The following MON2 variants were observed in gnomAD, a reference collection of about 807,000 sequenced individuals.
MON2 encodes protein MON2 homolog.
MON2 carries 84 observed loss-of-function variants against 208.6 expected under a neutral mutation model. The ratio of observed to expected loss-of-function variants is 0.40; its 90% CI spans 0.34 to 0.48. The LOEUF is 0.48. MON2 is among the 20% of genes least tolerant of loss of function. The pLI, the probability that MON2 is intolerant of heterozygous loss-of-function variation, is 0.59. For missense variants in MON2, 1,611 were observed against 2,015.4 expected (o/e 0.80, Z 3.84); for synonymous variants, 660 against 694.0 (o/e 0.95, Z 0.77).
chr12:62,544,868 C>T (rs755833005), intron 20 of MON2, 30 bp from the exon 21 acceptor site: 1 of 1,583,026 alleles, frequency 6.3e-7, no homozygotes, highest in Non-Finnish European at 8.6e-7. Flanking sequence ...CTTAAGTATA[C>T]AAATTAAACT....
Position 62,533,357 on chromosome 12 carries a change from T to C in MON2, c.1633+687T>C, listed in dbSNP as rs138615954. Among the ~76,000 whole-genome samples, 191 of 152,348 alleles carry C rather than the reference T, an allele frequency of 1.3e-3. 1 individual carries two copies. Among genetic ancestry groups the C allele is most frequent in the African/African-American group, 4.4e-3 (184 of 41,586 alleles). On this transcript the variant is annotated intron_variant, in intron 12 of 34. Coordinates refer to ENST00000393630, the MANE Select transcript of MON2 (RefSeq NM_015026.3). ...TAATTATTAACTTTTTGTGGAAAAA[T>C]ACTTTCAGATTGCTACTACAAAAGA...
intron 2 of MON2, among the ~76,000 whole-genome samples, chr12:62,486,602 A>G (rs2069811916): frequency 6.6e-6 from 1 of 152,194 alleles, no homozygotes; most frequent in African/African-American, 2.4e-5. Flanking sequence ...GACCACTATC[A>G]TCTTGAAAAT....
rs2073310251 is a variant in MON2, at chr12:62,543,037, A to G, written c.2365-60A>G. The G allele has an allele frequency of 1.0e-5, 9 of 879,148 alleles. No homozygotes were observed. In the South Asian group the frequency reaches 1.2e-4, roughly 12 times the overall value. The allele number at this position is 879,148 out of a possible 1,614,324, so 54.5% of individuals were successfully genotyped here. A position where few individuals can be genotyped will look rare whatever the true frequency, so the allele number is the denominator to read the frequency against. Reference sequence around the variant, plus strand: ...CTTCAGAGTATTCTCAGTTTTATTCATAGTCTAATTACTCAGAATTCTCCT... The same window carrying G: ...CTTCAGAGTATTCTCAGTTTTATTCGTAGTCTAATTACTCAGAATTCTCCT... On this transcript the variant is annotated intron_variant, in intron 19 of 34. Transcript: ENST00000393630.
rs769248535 is a variant in MON2, at chr12:62,500,738, A to T, written c.566-45A>T. On this transcript the variant is annotated intron_variant, in intron 5 of 34. Transcript: ENST00000393630. ...TTTTAAACAGAATATATAATTTATT[A>T]AAGGCTATTATGAACTCCTAAAACC... 1.3e-5 allele frequency: 11 copies of T among 830,902 alleles called. No homozygotes were observed. The East Asian group carries it at 2.9e-4, about 22-fold the overall frequency. The allele number at this position is 830,902 out of a possible 1,614,324, so 51.5% of individuals were successfully genotyped here. A position where few individuals can be genotyped will look rare whatever the true frequency, so the allele number is the denominator to read the frequency against.
rs17120341 is a variant in MON2 at position 62,500,856 on chromosome 12, T to C, written c.639T>C (p.Ala213=). ...CTGTCAGTACCCTCAAACCTTGTGC[T>C]AAAGATGCATATATGCTTTTCCAGG... is the stretch of plus-strand genomic sequence containing the variant. ...RRSVSTLKPC[A]KDAYMLFQDL... is the part of the protein sequence containing the mutation. Residue 213 remains alanine, a synonymous_variant, in exon 6 of 35, where the codon GCT becomes GCC. Transcript: ENST00000393630. 2 of 1,578,838 alleles carry C rather than the reference T, an allele frequency of 1.3e-6. No homozygotes were observed. The highest frequency in any genetic ancestry group is 1.7e-6 in the Non-Finnish European group (2 of 1,160,008).
intron 25 of MON2, among the ~76,000 whole-genome samples, chr12:62,559,444 C>T (rs2074114966): frequency 6.6e-6 from 1 of 151,826 alleles, no homozygotes; most frequent in Admixed American, 6.6e-5. Flanking sequence ...ATTGCTTGAG[C>T]CCAGCATGGG....
At chr12:62,575,224 T>A (rs1244057312) in intron 30 of MON2, among the ~76,000 whole-genome samples, 1 of 152,252 alleles carries the variant, frequency 6.6e-6, no homozygotes, top group East Asian at 1.9e-4. Flanking sequence ...GTTTAGTTTT[T>A]GTTTCATAGT....
rs1565727419 is a variant in MON2, at chr12:62,595,293, C to T, written c.*2544C>T. The T allele has an allele frequency of 6.6e-6, 1 of 152,112 alleles. No homozygotes were observed. Among genetic ancestry groups the T allele is most frequent in the Non-Finnish European group, 1.5e-5 (1 of 68,036 alleles). The allele number at this position is 152,112 out of a possible 1,614,324, so 9.4% of individuals were successfully genotyped here. ...CAAGTAGCTGGGATTACAGACATGC[C>T]ACCATGCCAGGCTAATTTTTTTAAT... On this transcript the variant is annotated 3_prime_UTR_variant, in exon 35 of 35. Coordinates refer to ENST00000393630, the MANE Select transcript of MON2 (RefSeq NM_015026.3).
At chr12:62,571,123 T>C (rs1419643629) in intron 29 of MON2, among the ~76,000 whole-genome samples, 1 of 152,176 alleles carries the variant, frequency 6.6e-6, no homozygotes. Flanking sequence ...TTATTTATGA[T>C]GAAAAACTGA....
At chr12:62,526,818 T>C (rs2072354044) in intron 11 of MON2, among the ~76,000 whole-genome samples, 1 of 152,082 alleles carries the variant, frequency 6.6e-6, no homozygotes, top group Non-Finnish European at 1.5e-5. Context: ...TTTTGAGTAA[T>C]TGGTATGTAT....
intron 1 of MON2, among the ~76,000 whole-genome samples, chr12:62,478,344 G>A (rs944424990): frequency 2.6e-5 from 4 of 152,064 alleles, no homozygotes; most frequent in Non-Finnish European, 4.4e-5. Flanking sequence ...AAGATAAAGT[G>A]TTACAGGTAC....
intron 26 of MON2, among the ~76,000 whole-genome samples, chr12:62,563,760 T>C (rs536281766): frequency 5.3e-5 from 8 of 152,274 alleles, no homozygotes; most frequent in African/African-American, 1.9e-4. Flanking sequence ...AATGCATAGT[T>C]AAGTCATTAA....
intron 8 of MON2, among the ~76,000 whole-genome samples, chr12:62,513,288 C>T (rs908738131): frequency 6.6e-6 from 1 of 152,046 alleles, no homozygotes; most frequent in Admixed American, 6.5e-5. Context: ...TGCAGTGGCC[C>T]CATCTTGGCT....
chr12:62,498,909 G>A lies in MON2; in HGVS notation c.436-10G>A. ...TCTTATTTCACACTAAATGAAAATT[G>A]TGTTTTCAGGCAATCGTTCTTTGTT... On this transcript the variant is annotated splice_polypyrimidine_tract_variant and intron_variant, in intron 4 of 34. Transcript: ENST00000393630. 1 of 1,585,254 alleles carries A rather than the reference G, an allele frequency of 6.3e-7. No individual in the cohort carries two copies. Among genetic ancestry groups the A allele is most frequent in the Non-Finnish European group, 8.6e-7 (1 of 1,168,138 alleles).
At chr12:62,496,400 G>C (rs1389438389) in intron 4 of MON2, among the ~76,000 whole-genome samples, 2 of 152,120 alleles carry the variant, frequency 1.3e-5, no homozygotes, top group Non-Finnish European at 1.5e-5. Flanking sequence ...GAAAAATCAA[G>C]TATAAAGAAA....
In MON2 at chr12:62,467,149, G is replaced by A; in HGVS notation, c.-59G>A. On this transcript the variant is annotated 5_prime_UTR_variant, in exon 1 of 35. Transcript: ENST00000393630. ...AGGGAGCTGCCTGTGGCCCTAAGGA[G>A]CTGACCGTGCCAGAGCTTGTTTGTA... The A allele has an allele frequency of 6.9e-7, 1 of 1,451,308 alleles. No homozygotes were observed. The highest frequency in any genetic ancestry group is 9.6e-7 in the Non-Finnish European group (1 of 1,046,954). 89.9% of individuals were successfully genotyped at this position (1,451,308 alleles called of 1,614,324 possible).
chr12:62,559,465 A>G (rs888156671), intron 25 of MON2, among the ~76,000 whole-genome samples: 1 of 152,084 alleles, frequency 6.6e-6, no homozygotes, highest in Non-Finnish European at 1.5e-5. Flanking sequence ...CAACATGGTG[A>G]AACCCTATCT....
At chr12:62,555,870 G>A (rs1197031840) in intron 24 of MON2, 124 bp from the exon 25 acceptor site, 5 of 709,378 alleles carry the variant, frequency 7.0e-6, no homozygotes, top group Non-Finnish European at 1.2e-5. Flanking sequence ...CAATATATAG[G>A]GATTGATAAG....
At chr12:62,470,392 T>C (rs2068735134) in intron 1 of MON2, among the ~76,000 whole-genome samples, 1 of 152,224 alleles carries the variant, frequency 6.6e-6, no homozygotes, top group African/African-American at 2.4e-5. Flanking sequence ...GTATATTAAA[T>C]TGTTGTTGTA....
Sources: gnomAD v4.1 joint callset for allele counts (sites outside exome capture counted in the v4.1 genomes callset) on GRCh38, gnomAD v4.1.1 for gene constraint, MANE v1.5 for transcripts, NCBI Gene and HGNC (gene_info 2026-07-23, HGNC 2026-07-21) for gene names.